AMDHD1: variants seen among roughly 807,000 people sequenced by gnomAD.
AMDHD1 encodes the protein probable imidazolonepropionase.
AMDHD1 carries 45 observed loss-of-function variants against 44.1 expected under a neutral mutation model. The observed-to-expected ratio is 1.02, with a 90% CI of 0.80 to 1.31. AMDHD1 has a LOEUF of 1.31. Among genes scored for constraint, AMDHD1 ranks in the 50% most tolerant of loss-of-function variants. The pLI, the probability that AMDHD1 is intolerant of heterozygous loss-of-function variation, is 0.00. For synonymous variants in AMDHD1, 206 were observed against 205.0 expected (o/e 1.00, Z -0.04); for missense variants, 586 against 552.1 (o/e 1.06, Z -0.61).
intron 2 of AMDHD1, 52 bp downstream of exon 2, chr12:95,952,875 C>T (rs1479275258): frequency 7.4e-6 from 8 of 1,080,454 alleles, no homozygotes; most frequent in Non-Finnish European, 1.1e-5. Flanking sequence ...ACAGTTGCTC[C>T]TGAAATGTAA....
intron 1 of AMDHD1, among the ~76,000 whole-genome samples, chr12:95,950,215 G>T (rs2080520169): frequency 1.3e-5 from 2 of 152,170 alleles, no homozygotes; most frequent in East Asian, 3.8e-4. Context: ...AGCTGTTAGT[G>T]ATGAAGAATT....
intron 1 of AMDHD1, among the ~76,000 whole-genome samples, chr12:95,948,219 G>A (rs2080508858): frequency 7.5e-6 from 1 of 132,586 alleles, no homozygotes; most frequent in Non-Finnish European, 1.6e-5. Flanking sequence ...AGGTGGGGGG[G>A]TCAGCCCCCC....
chr12:95,962,622 C>A, intron 6 of AMDHD1, 143 bp downstream of exon 6: 2 of 990,348 alleles, frequency 2.0e-6, no homozygotes, highest in Non-Finnish European at 2.7e-6. Flanking sequence ...ATGAAGATGC[C>A]AACCCTGGAC....
intron 1 of AMDHD1, among the ~76,000 whole-genome samples, chr12:95,946,645 C>T (rs1294999650): frequency 3.3e-4 from 7 of 20,918 alleles, no homozygotes; most frequent in Non-Finnish European, 5.6e-4. Context: ...CCCTCCCTCT[C>T]CCTCTCCCCA....
intron 5 of AMDHD1, among the ~76,000 whole-genome samples, chr12:95,961,364 T>G (rs2136768287): frequency 6.6e-6 from 1 of 152,310 alleles, no homozygotes. Flanking sequence ...TTGCTCAAAT[T>G]AATTCACTTA....
chr12:95,949,381 T>G (rs1157859465), intron 1 of AMDHD1, among the ~76,000 whole-genome samples: 1 of 152,192 alleles, frequency 6.6e-6, no homozygotes, highest in African/African-American at 2.4e-5. Flanking sequence ...TTCATTATAA[T>G]TATACTTTAG....
Position 95,952,689 on chromosome 12 carries a change from T to A in AMDHD1, c.138-28T>A, listed in dbSNP as rs775111538. 14 of 1,428,952 alleles carry A rather than the reference T, an allele frequency of 9.8e-6. No individual in the cohort carries two copies. The South Asian group carries it at 1.5e-4, about 16-fold the overall frequency. 88.5% of individuals were successfully genotyped at this position (1,428,952 alleles called of 1,614,324 possible). On this transcript the variant is annotated intron_variant, in intron 1 of 8. Transcript: ENST00000266736. The stretch of plus-strand genomic sequence containing the variant: ...ATTTCTCACAAGATTTCCCCAAATT[T>A]AATAACTATTTCTTGATTTTTCTTC...
At chr12:95,956,275 A>G (rs1320738505) in intron 3 of AMDHD1, among the ~76,000 whole-genome samples, 1 of 151,964 alleles carries the variant, frequency 6.6e-6, no homozygotes, top group Non-Finnish European at 1.5e-5. Flanking sequence ...TGCCCCCGCT[A>G]ATTTTTGTAT....
intron 3 of AMDHD1, among the ~76,000 whole-genome samples, chr12:95,956,176 T>C (rs910199449): frequency 7.9e-5 from 12 of 152,198 alleles, no homozygotes; most frequent in Non-Finnish European, 1.3e-4. Context: ...TGGTGCGATC[T>C]CAGCTCCCTG....
At chr12:95,963,999 A>G (rs534384350) in intron 6 of AMDHD1, among the ~76,000 whole-genome samples, 1 of 150,726 alleles carries the variant, frequency 6.6e-6, no homozygotes, top group African/African-American at 2.4e-5. Flanking sequence ...TCTGCACTTC[A>G]GCCTGGGCAA....
intron 6 of AMDHD1, 135 bp downstream of exon 6, chr12:95,962,614 G>T: frequency 8.8e-7 from 1 of 1,137,988 alleles, no homozygotes; most frequent in Non-Finnish European, 1.2e-6. Context: ...CTCAGCTAAT[G>T]AAGATGCCAA....
chr12:95,943,656 C>T (rs1393639025), intron 1 of AMDHD1, 121 bp downstream of exon 1: 12 of 1,297,826 alleles, frequency 9.2e-6, no homozygotes, highest in Non-Finnish European at 1.2e-5. Context: ...GATACACGGG[C>T]AAGCCAGCCT....
chr12:95,963,641 A>C (rs1038722646), intron 6 of AMDHD1, among the ~76,000 whole-genome samples: 1 of 152,264 alleles, frequency 6.6e-6, no homozygotes, highest in African/African-American at 2.4e-5. Context: ...CCAACGTCTT[A>C]TACATTTCAA....
At chr12:95,963,898 G>A (rs7965663) in intron 6 of AMDHD1, among the ~76,000 whole-genome samples, 19,952 of 151,898 alleles carry the variant, frequency 0.13, 1,500 homozygotes, top group Non-Finnish European at 0.18. Flanking sequence ...GCATGGTGGC[G>A]CGCGCCTGTA....
At chr12:95,950,705 C>G (rs369782988) in intron 1 of AMDHD1, among the ~76,000 whole-genome samples, 2 of 152,208 alleles carry the variant, frequency 1.3e-5, no homozygotes, top group Non-Finnish European at 2.9e-5. Context: ...GATGGCCACC[C>G]CATCTCTAGT....
chr12:95,964,331 T>C (rs1283295435), intron 6 of AMDHD1, among the ~76,000 whole-genome samples: 1 of 152,202 alleles, frequency 6.6e-6, no homozygotes, highest in Non-Finnish European at 1.5e-5. Context: ...GAACCCTCTC[T>C]TGACTCTCAT....
At chr12:95,944,972 A>G (rs1441442638) in intron 1 of AMDHD1, among the ~76,000 whole-genome samples, 2 of 152,044 alleles carry the variant, frequency 1.3e-5, no homozygotes, top group African/African-American at 4.8e-5. Context: ...CATCTCTACT[A>G]AAAATACAAA....
At chr12:95,961,153 A>AAAAAAAAAG (rs1172888721) in intron 5 of AMDHD1, among the ~76,000 whole-genome samples, 9 of 151,718 alleles carry the variant, frequency 5.9e-5, no homozygotes, top group Admixed American at 1.3e-4. Flanking sequence ...TCAAAAAAAA[A>AAAAAAAAAG]AAGGAAAGAA....
rs1046541670 is a variant in AMDHD1, at chr12:95,964,884, C to A, written c.939-802C>A. Among the ~76,000 whole-genome samples the A allele has an allele frequency of 7.9e-5, 9 of 114,218 alleles. No individual in the cohort carries two copies. The East Asian group carries it at 2.1e-3, about 26-fold the overall frequency. 74.9% of individuals were successfully genotyped at this position (114,218 alleles called of 152,430 possible). ...GTATAAACATTTTACACACTAAATT[C>A]TTGGGCCTTCAAGATTTTAAAGGAC... On this transcript the variant is annotated intron_variant, in intron 6 of 8. Transcript: ENST00000266736.
Sources: allele counts gnomAD v4.1 joint callset (sites outside exome capture counted in the v4.1 genomes callset), GRCh38; gene constraint gnomAD v4.1.1; transcripts MANE v1.5; gene names NCBI Gene and HGNC (gene_info 2026-07-23, HGNC 2026-07-21).